Variants in TP63 observed in about 807,000 individuals in gnomAD.
TP63 encodes tumor protein p63, also known as tumor protein 63.
TP63 carries 17 observed loss-of-function variants against 82.8 expected under a neutral mutation model. The observed-to-expected ratio is 0.21, with a 90% CI of 0.14 to 0.31. TP63 has a LOEUF of 0.31. Among genes scored for constraint, TP63 ranks in the 10% least tolerant of loss-of-function variants. The pLI, the probability that TP63 is intolerant of heterozygous loss-of-function variation, is 1.00. For synonymous variants in TP63, 330 were observed against 321.7 expected (o/e 1.03, Z -0.28); for missense variants, 648 against 895.3 (o/e 0.72, Z 3.52).
chr3:189,742,956 T>C (rs564061723), intron 3 of TP63, among the ~76,000 whole-genome samples: 1 of 152,042 alleles, frequency 6.6e-6, no homozygotes, highest in Non-Finnish European at 1.5e-5. Context: ...GGAAAAATAA[T>C]CAGGTTTGGG....
chr3:189,865,202 G>C (rs1717560468), intron 5 of TP63, among the ~76,000 whole-genome samples: 1 of 151,706 alleles, frequency 6.6e-6, no homozygotes, highest in Non-Finnish European at 1.5e-5. Context: ...ACCAGAAGAA[G>C]AAAAAGGAAA....
Position 189,889,311 on chromosome 3 carries a change from C to A in TP63, c.1508-29C>A, listed in dbSNP as rs74577755. ...TGCTGGTACATGATGATGGCAGTAA[C>A]CCTTTTTGTTCCTCCTGCTTCTGTT... is the stretch of plus-strand genomic sequence containing the variant. On this transcript the variant is annotated intron_variant, in intron 11 of 13. Coordinates refer to ENST00000264731, the MANE Select transcript of TP63 (RefSeq NM_003722.5). The A allele has an allele frequency of 2.6e-3, 4,154 of 1,614,102 alleles. 61 individuals are homozygous for A. The African/African-American group carries it at 0.042, about 16-fold the overall frequency.
chr3:189,812,438 C>T (rs909365298), intron 4 of TP63, among the ~76,000 whole-genome samples: 6 of 152,160 alleles, frequency 3.9e-5, no homozygotes, highest in African/African-American at 1.4e-4. Flanking sequence ...TTAATTGATA[C>T]TAGTTACAGA....
intron 3 of TP63, among the ~76,000 whole-genome samples, chr3:189,741,092 A>G (rs1409005820): frequency 6.6e-6 from 1 of 152,114 alleles, no homozygotes; most frequent in Non-Finnish European, 1.5e-5. Flanking sequence ...TTTGCCAGTG[A>G]GGTAAATGAA....
chr3:189,728,678 G>C (rs1197883076), intron 1 of TP63, among the ~76,000 whole-genome samples: 1 of 152,130 alleles, frequency 6.6e-6, no homozygotes, highest in Non-Finnish European at 1.5e-5. Context: ...GCTGGGGGAG[G>C]CCTCAGGAAA....
intron 4 of TP63, among the ~76,000 whole-genome samples, chr3:189,821,552 G>A (rs9859681): frequency 1 from 152,355 of 152,362 alleles, 76,174 homozygotes; most frequent in Non-Finnish European, 1. Flanking sequence ...TACTGCCCAC[G>A]CTGCTATATG....
At chr3:189,677,398 G>GTA (rs143386699) in intron 1 of TP63, among the ~76,000 whole-genome samples, 55,886 of 110,648 alleles carry the variant, frequency 0.51, 11,873 homozygotes, top group African/African-American at 0.62. Flanking sequence ...AAATATGTGT[G>GTA]TATATATATA....
At chr3:189,714,385 C>G (rs550363193) in intron 1 of TP63, among the ~76,000 whole-genome samples, 1 of 152,234 alleles carries the variant, frequency 6.6e-6, no homozygotes, top group African/African-American at 2.4e-5. Flanking sequence ...AGTGTAGGCT[C>G]ATTGCCTAAG....
Position 189,738,660 on chromosome 3 carries a change from G to C in TP63, c.210G>C (p.Gln70His), listed in dbSNP as rs201631366. The C allele has an allele frequency of 3.7e-5, 60 of 1,614,036 alleles. No individual in the cohort carries two copies. The East Asian group carries it at 1.3e-3, about 36-fold the overall frequency. Residue 70 changes from glutamine to histidine, a missense_variant, in exon 3 of 14, where the codon CAG (glutamine) becomes CAC (histidine). By Grantham distance (24) the Gln-to-His change is conservative. This residue lies in a region of TP63 where 182 missense variants were observed against 213.6 expected (regional missense o/e 0.85). Coordinates refer to ENST00000264731, the MANE Select transcript of TP63 (RefSeq NM_003722.5). ...DFLEQPICSV[Q>H]PIDLNFVDEP... ...GTGTTAGGCCTATATGTTCAGTTCA[G>C]CCCATTGACTTGAACTTTGTGGATG... is the stretch of plus-strand genomic sequence containing the variant.
chr3:189,640,982 C>T (rs879298151), intron 1 of TP63, among the ~76,000 whole-genome samples: 12 of 152,046 alleles, frequency 7.9e-5, no homozygotes, highest in Non-Finnish European at 1.3e-4. Flanking sequence ...GGATTTTATA[C>T]GATAATTGTT....
the TP63 span, among the ~76,000 whole-genome samples, chr3:189,599,696 T>G: frequency 7.9e-5 from 12 of 152,290 alleles, no homozygotes; most frequent in African/African-American, 2.9e-4. Flanking sequence ...GTAGATTCTG[T>G]ATTAGTAACC....
rs148534644 is a variant in TP63, at chr3:189,717,580, T to C, written c.63-20160T>C. Reference sequence around the variant, plus strand: ...CACTAAAAATATGACCTCACAAGCCTGTAGGTCACAGATAAAATCTGAAAT... The same window carrying C: ...CACTAAAAATATGACCTCACAAGCCCGTAGGTCACAGATAAAATCTGAAAT... On this transcript the variant is annotated intron_variant, in intron 1 of 13. Transcript: ENST00000264731. Among the ~76,000 whole-genome samples, 9 of 152,314 alleles carry C rather than the reference T, an allele frequency of 5.9e-5. No homozygotes were observed. The East Asian group carries it at 1.7e-3, about 29-fold the overall frequency.
In TP63 at chr3:189,808,526, G is replaced by A. The variant is rs1159440697; in HGVS notation, c.579G>A (p.Thr193=). 2.5e-6 allele frequency: 4 copies of A among 1,613,590 alleles called. No homozygotes were observed. The highest frequency in any genetic ancestry group is 1.1e-5 in the South Asian group (1 of 91,090). ...GCACCGCCAAGTCGGCCACCTGGAC[G>A]GTAAGAGCAGCGGGCACGCACATAC... The part of the protein sequence containing the change: ...QSSTAKSATW[T]YSTELKKLYC... The change falls in exon 4 of 14, where the codon ACG becomes ACA. Residue 193 remains threonine, a splice_region_variant and synonymous_variant. Transcript: ENST00000264731.
At chr3:189,723,726 A>T (rs1422514911) in intron 1 of TP63, among the ~76,000 whole-genome samples, 1 of 152,234 alleles carries the variant, frequency 6.6e-6, no homozygotes, top group Non-Finnish European at 1.5e-5. Context: ...CTGATGATTT[A>T]GTAAAAACAA....
At chr3:189,789,622 A>G (rs1338788421) in intron 3 of TP63, 2 of 1,339,032 alleles carry the variant, frequency 1.5e-6, no homozygotes, top group Non-Finnish European at 1.9e-6. Context: ...CCTCATGCCT[A>G]TAGTTGGGTA....
chr3:189,765,433 C>T lies in TP63; in HGVS notation c.324+26659C>T, dbSNP rs1257128055. Among the ~76,000 whole-genome samples, 169 of 30,080 alleles carry T rather than the reference C, an allele frequency of 5.6e-3. 1 individual carries two copies. Among genetic ancestry groups the T allele is most frequent in the Admixed American group, 9.0e-3 (16 of 1,786 alleles). 19.7% of individuals were successfully genotyped at this position (30,080 alleles called of 152,430 possible). On this transcript the variant is annotated intron_variant, in intron 3 of 13. Transcript: ENST00000264731. ...GGCTTTGTAAATATCCTGTCCTCTG[C>T]TTTTTTTTTTTTTTTTTTTTTGAGA...
intron 3 of TP63, among the ~76,000 whole-genome samples, chr3:189,780,686 C>G (rs1724162922): frequency 6.6e-6 from 1 of 152,236 alleles, no homozygotes; most frequent in East Asian, 1.9e-4. Flanking sequence ...TGCTTTTTCT[C>G]CCATGGCTTA....
intron 3 of TP63, among the ~76,000 whole-genome samples, chr3:189,742,877 AC>A (rs1384063127): frequency 2.0e-5 from 3 of 152,234 alleles, no homozygotes; most frequent in Non-Finnish European, 1.5e-5. Flanking sequence ...GATTGGCAAC[AC>A]ATTGCAGAGA....
At chr3:189,687,440 G>C (rs772820168) in intron 1 of TP63, among the ~76,000 whole-genome samples, 1 of 152,156 alleles carries the variant, frequency 6.6e-6, no homozygotes, top group Non-Finnish European at 1.5e-5. Flanking sequence ...TTTGATGCTT[G>C]CCTGTTACTT....
Sources: allele counts gnomAD v4.1 joint callset (sites outside exome capture counted in the v4.1 genomes callset), GRCh38; gene constraint gnomAD v4.1.1; regional missense constraint gnomAD v4.1.1; transcripts MANE v1.5; gene names NCBI Gene and HGNC (gene_info 2026-07-23, HGNC 2026-07-21).